Variants in EPHB2 observed in about 807,000 individuals in gnomAD.
EPHB2 encodes the protein ephrin type-B receptor 2.
EPHB2 carries 18 observed loss-of-function variants against 96.4 expected under a neutral mutation model. The observed-to-expected ratio is 0.19, with a 90% CI of 0.13 to 0.28. The LOEUF is 0.28. Ranked by LOEUF, EPHB2 falls within the 10% of genes least tolerant of loss-of-function variation. The pLI is 1.00. For synonymous variants in EPHB2, 506 were observed against 534.1 expected (o/e 0.95, Z 0.72); for missense variants, 989 against 1,355.4 (o/e 0.73, Z 4.25).
chr1:22,749,975 T>C (rs764819796), intron 1 of EPHB2, among the ~76,000 whole-genome samples: 2 of 152,214 alleles, frequency 1.3e-5, no homozygotes, highest in Non-Finnish European at 1.5e-5. Context: ...CTGTCATTCA[T>C]TGAGTGCCAG....
At chr1:22,882,894 G>C (rs1344686387) in intron 6 of EPHB2, 8 of 298,598 alleles carry the variant, frequency 2.7e-5, no homozygotes, top group Non-Finnish European at 4.6e-5. Context: ...GCTCAAGAGA[G>C]CTTCCGCCTG....
chr1:22,783,150 C>CA (rs1644558561), intron 2 of EPHB2, among the ~76,000 whole-genome samples: 1 of 152,214 alleles, frequency 6.6e-6, no homozygotes, highest in South Asian at 2.1e-4. Context: ...GCAGCACAGG[C>CA]AACCACACGA....
rs555558114 is a variant in EPHB2, at chr1:22,913,647, A to C, written c.*77A>C. ...CACGTGCCGGCCCTCCTGGTGCTCT[A>C]TCCACTGCAGGGCCAGCCACTCGCC... is the stretch of plus-strand genomic sequence containing the variant. On this transcript the variant is annotated 3_prime_UTR_variant, in exon 16 of 16. Coordinates refer to ENST00000374630, the MANE Select transcript of EPHB2 (RefSeq NM_017449.5). The surrounding 1 kb of genome is among the most constrained non-coding windows in gnomAD (Gnocchi z 4.1). 1.2e-6 allele frequency: 2 copies of C among 1,602,022 alleles called. No individual in the cohort carries two copies. Among genetic ancestry groups the C allele is most frequent in the Non-Finnish European group, 1.7e-6 (2 of 1,174,824 alleles).
At position 22,913,784 on chromosome 1, in the gene EPHB2, G is replaced by C. The variant is rs1640191283; in HGVS notation, c.*214G>C. The C allele has an allele frequency of 6.2e-7, 1 of 1,608,680 alleles. No individual in the cohort carries two copies. Among genetic ancestry groups the C allele is most frequent in the Non-Finnish European group, 8.5e-7 (1 of 1,177,320 alleles). On this transcript the variant is annotated 3_prime_UTR_variant, in exon 16 of 16. Transcript: ENST00000374630. The surrounding 1 kb of genome is among the most constrained non-coding windows in gnomAD (Gnocchi z 4.1). ...AAAGGGAATGGGAAAAAAGAAAACA[G>C]ATCCTGGGAGGGGGCGGGAAATACA...
chr1:22,755,038 CTT>C (rs1196780378), intron 1 of EPHB2, among the ~76,000 whole-genome samples: 1 of 151,150 alleles, frequency 6.6e-6, no homozygotes, highest in Non-Finnish European at 1.5e-5. Context: ...CTCTCCTGCT[CTT>C]TGTTGCAAAA....
At chr1:22,910,634 C>T in intron 14 of EPHB2, 59 bp downstream of exon 14, 3 of 1,549,696 alleles carry the variant, frequency 1.9e-6, no homozygotes, top group Non-Finnish European at 2.6e-6. Context: ...CGTCTCCCAT[C>T]CCTTCTGCCC....
Position 22,865,163 on chromosome 1 carries a change from C to G in EPHB2, c.1254C>G (p.Ser418Arg). The change falls in exon 5 of 16, where the codon AGC becomes AGG. Residue 418 changes from serine (S) to arginine (R), a missense_variant. Transcript: ENST00000374630. The part of the protein sequence containing the change: ...IQAVNGVTDQ[S>R]PFSPQFASVN... ...CTGTGAACGGCGTTACTGACCAGAG[C>G]CCCTTCTCGCCTCAGTTCGCCTCTG... The G allele has an allele frequency of 6.2e-7, 1 of 1,614,240 alleles. No individual in the cohort carries two copies. Among genetic ancestry groups the G allele is most frequent in the Non-Finnish European group, 8.5e-7 (1 of 1,180,042 alleles).
At chr1:22,857,615 A>C (rs1645720336) in intron 3 of EPHB2, among the ~76,000 whole-genome samples, 1 of 152,168 alleles carries the variant, frequency 6.6e-6, no homozygotes, top group Non-Finnish European at 1.5e-5. Context: ...TGCTTTGGTC[A>C]GTACCCTGTT....
At chr1:22,714,973 AC>A (rs1435364323) in intron 1 of EPHB2, among the ~76,000 whole-genome samples, 1 of 152,150 alleles carries the variant, frequency 6.6e-6, no homozygotes. Context: ...AGCATCAAAG[AC>A]TTGTTTGGCA....
rs78299374 is a variant in EPHB2 at position 22,879,328 on chromosome 1, T to G, written c.1304-3031T>G. Reference sequence around the variant, plus strand: ...CAGCACAAGGGATGAGCCCCCAGATTGGCCCTGGTCAGTGACACTCCAGAA... The same window carrying G: ...CAGCACAAGGGATGAGCCCCCAGATGGGCCCTGGTCAGTGACACTCCAGAA... On this transcript the variant is annotated intron_variant, in intron 5 of 15. Coordinates refer to ENST00000374630, the MANE Select transcript of EPHB2 (RefSeq NM_017449.5). 1.1e-3 allele frequency among the ~76,000 whole-genome samples: 170 copies of G among 152,316 alleles called. 1 individual carries two copies. The East Asian group carries it at 0.024, about 22-fold the overall frequency.
chr1:22,729,924 C>T (rs959062715), intron 1 of EPHB2, among the ~76,000 whole-genome samples: 14 of 152,174 alleles, frequency 9.2e-5, no homozygotes, highest in Non-Finnish European at 2.1e-4. Flanking sequence ...TGAATGAATG[C>T]ACGGCTCTCA....
chr1:22,785,446 A>T (rs1460443841), intron 3 of EPHB2, among the ~76,000 whole-genome samples: 1 of 152,246 alleles, frequency 6.6e-6, no homozygotes, highest in Non-Finnish European at 1.5e-5. Context: ...ACATTTATAT[A>T]TTAATAAGTT....
intron 3 of EPHB2, among the ~76,000 whole-genome samples, chr1:22,854,114 A>C (rs1645665265): frequency 6.6e-6 from 1 of 152,158 alleles, no homozygotes; most frequent in African/African-American, 2.4e-5. Flanking sequence ...TTGTCTAGGA[A>C]GGGGGAAGAT....
intron 9 of EPHB2, among the ~76,000 whole-genome samples, chr1:22,899,145 AT>A (rs1464500387): frequency 1.4e-5 from 2 of 147,462 alleles, no homozygotes; most frequent in East Asian, 4.0e-4. Context: ...GTGAGCCGAG[AT>A]TGTGCCATTG....
At chr1:22,731,020 A>G (rs1643698122) in intron 1 of EPHB2, among the ~76,000 whole-genome samples, 1 of 151,996 alleles carries the variant, frequency 6.6e-6, no homozygotes, top group Non-Finnish European at 1.5e-5. Flanking sequence ...GCTGCCTCAC[A>G]TAGTTTGGGG....
chr1:22,721,447 C>T (rs1375427710), intron 1 of EPHB2, among the ~76,000 whole-genome samples: 1 of 152,050 alleles, frequency 6.6e-6, no homozygotes, highest in Non-Finnish European at 1.5e-5. Flanking sequence ...GTGAGCTGGC[C>T]TGCGTTGTGA....
At chr1:22,770,778 AG>A (rs758992112) in intron 1 of EPHB2, among the ~76,000 whole-genome samples, 1 of 152,106 alleles carries the variant, frequency 6.6e-6, no homozygotes, top group African/African-American at 2.4e-5. Flanking sequence ...AGGTTGGTTC[AG>A]TAGGAATATG....
At chr1:22,770,047 T>C (rs1248661819) in intron 1 of EPHB2, among the ~76,000 whole-genome samples, 2 of 152,100 alleles carry the variant, frequency 1.3e-5, no homozygotes, top group East Asian at 3.9e-4. Flanking sequence ...GCAGAATGAC[T>C]TCATAAATAG....
rs1008783424 is a variant in EPHB2 at position 22,916,883 on chromosome 1, C to T, written c.*3313C>T. The T allele has an allele frequency of 4.6e-5, 7 of 152,262 alleles. No individual in the cohort carries two copies. Among genetic ancestry groups the T allele is most frequent in the African/African-American group, 1.7e-4 (7 of 41,422 alleles). 9.4% of individuals were successfully genotyped at this position (152,262 alleles called of 1,614,324 possible). On this transcript the variant is annotated 3_prime_UTR_variant, in exon 16 of 16. Coordinates refer to ENST00000374630, the MANE Select transcript of EPHB2 (RefSeq NM_017449.5). This position sits in a 1 kb window ranked among gnomAD's most constrained non-coding sequence, Gnocchi z 4.2. ...AGGAGAGAGCCATGCTACCCACCCGCACCCCTACTGCTACGAAGCCCCCAG... is the reference window on the plus strand; with the variant it reads ...AGGAGAGAGCCATGCTACCCACCCGTACCCCTACTGCTACGAAGCCCCCAG...
Sources: allele counts gnomAD v4.1 joint callset (sites outside exome capture counted in the v4.1 genomes callset), GRCh38; gene constraint gnomAD v4.1.1; non-coding constraint Gnocchi (gnomAD v3.1); transcripts MANE v1.5; gene names NCBI Gene and HGNC (gene_info 2026-07-23, HGNC 2026-07-21).